UNC93A: variants seen among roughly 807,000 people sequenced by gnomAD.
UNC93A encodes unc-93 homolog A, also known as N-acetylglucosamine transporter UNC93A.
Under a neutral mutation model 47.5 loss-of-function variants are expected in UNC93A, and 43 were observed. The observed-to-expected ratio is 0.91, with a 90% CI of 0.71 to 1.17. The LOEUF is 1.17. Among genes scored for constraint, UNC93A ranks in the 50% most tolerant of loss-of-function variants. UNC93A has a pLI of 0.00. For synonymous variants in UNC93A, 280 were observed against 258.0 expected, an observed-to-expected ratio of 1.09 and a Z score of -0.82; for missense variants, 605 against 577.6, an observed-to-expected ratio of 1.05 and a Z score of -0.49.
At chr6:167,310,849 G>A (rs1778537362) in intron 7 of UNC93A, among the ~76,000 whole-genome samples, 1 of 152,174 alleles carries the variant, frequency 6.6e-6, no homozygotes, top group South Asian at 2.1e-4. Context: ...TCATTGCACT[G>A]CAGCCTGGGC....
chr6:167,280,496 C>T (rs1431207725), intron 1 of UNC93A, among the ~76,000 whole-genome samples: 1 of 152,160 alleles, frequency 6.6e-6, no homozygotes, highest in East Asian at 1.9e-4. Context: ...GCACATTCAC[C>T]CAGGCACTAG....
intron 7 of UNC93A, among the ~76,000 whole-genome samples, chr6:167,310,602 C>T (rs369228624): frequency 7.9e-4 from 119 of 150,466 alleles, no homozygotes; most frequent in Admixed American, 2.6e-3. Context: ...CCAAACTGGC[C>T]GGGTGCGGTG....
chr6:167,310,654 A>G (rs9347193), intron 7 of UNC93A, among the ~76,000 whole-genome samples: 92,170 of 152,074 alleles, frequency 0.61, 28,276 homozygotes, highest in East Asian at 0.79. Flanking sequence ...GATGAACCAG[A>G]CAGATCACTT....
chr6:167,314,769 C>T (rs916161579), intron 7 of UNC93A, among the ~76,000 whole-genome samples: 7 of 152,194 alleles, frequency 4.6e-5, no homozygotes, highest in Admixed American at 3.9e-4. Context: ...CTCCCTGCTT[C>T]CAGTCTTCCT....
chr6:167,307,735 A>T, intron 6 of UNC93A, 44 bp from the exon 7 acceptor site: 2 of 1,570,106 alleles, frequency 1.3e-6, no homozygotes, highest in Admixed American at 3.5e-5. Context: ...CCAGGCCATG[A>T]TGATGGCCCT....
In UNC93A at chr6:167,294,531, C is replaced by T. The variant is rs370938450; in HGVS notation, c.102C>T (p.Ser34=). 2.1e-5 allele frequency: 34 copies of T among 1,613,930 alleles called. 1 individual carries two copies. The highest frequency in any genetic ancestry group is 2.1e-4 in the South Asian group (19 of 91,090). The change falls in exon 2 of 8, where the codon AGC becomes AGT. Residue 34 remains serine (S), a synonymous_variant. Coordinates refer to ENST00000230256, the MANE Select transcript of UNC93A (RefSeq NM_018974.4). ...GLQSLQSSLY[S]EEGLGVTALS... is the part of the protein sequence containing the mutation. ...TGTTCCCACAGAGCAGCCTGTACAGCGAGGAGGGCCTGGGTGTCACAGCGC... is the reference window on the plus strand; with the variant it reads ...TGTTCCCACAGAGCAGCCTGTACAGTGAGGAGGGCCTGGGTGTCACAGCGC...
rs1777994130 is a variant in UNC93A at position 167,294,570 on chromosome 6, T to C, written c.141T>C (p.Tyr47=). 6.2e-7 allele frequency: 1 copy of C among 1,614,080 alleles called. No homozygotes were observed. Among genetic ancestry groups the C allele is most frequent in the Non-Finnish European group, 8.5e-7 (1 of 1,179,982 alleles). ...GLGVTALSTL[Y]GGMLLSSMFL... ...GTGTCACAGCGCTCAGCACCCTCTA[T>C]GGAGGCATGCTCCTGTCCTCCATGT... Residue 47 remains tyrosine (Y), a synonymous_variant, in exon 2 of 8, where the codon TAT becomes TAC. Transcript: ENST00000230256.
upstream of UNC93A, among the ~76,000 whole-genome samples, chr6:167,288,513 T>A (rs1783782810): frequency 6.6e-6 from 1 of 151,820 alleles, no homozygotes; most frequent in South Asian, 2.1e-4. Context: ...ATTTCCAAAG[T>A]GTGAAATTCC....
chr6:167,269,758 C>A (rs1783421337), upstream of UNC93A, among the ~76,000 whole-genome samples: 1 of 151,952 alleles, frequency 6.6e-6, no homozygotes, highest in Admixed American at 6.5e-5. Context: ...AGGCGCCCAC[C>A]ACCACGCCTG....
intron 1 of UNC93A, among the ~76,000 whole-genome samples, chr6:167,276,976 A>G (rs1783554530): frequency 6.6e-6 from 1 of 152,236 alleles, no homozygotes; most frequent in Admixed American, 6.5e-5. Context: ...TGCAGGCAGC[A>G]GGGAGCCACA....
At chr6:167,299,813 T>G in intron 4 of UNC93A, among the ~76,000 whole-genome samples, 1 of 151,958 alleles carries the variant, frequency 6.6e-6, no homozygotes. Context: ...GGGGGCAAGG[T>G]GGAGGGGCAG....
chr6:167,309,286 C>T (rs578146751), intron 7 of UNC93A, among the ~76,000 whole-genome samples: 2 of 152,284 alleles, frequency 1.3e-5, no homozygotes, highest in Non-Finnish European at 2.9e-5. Flanking sequence ...AGGAAGGTCA[C>T]TAGGAAGAGA....
chr6:167,305,190 G>A (rs748293134), intron 5 of UNC93A, among the ~76,000 whole-genome samples: 1 of 152,224 alleles, frequency 6.6e-6, no homozygotes, highest in Non-Finnish European at 1.5e-5. Flanking sequence ...AACCACAAAT[G>A]TCTCTCCAGG....
At chr6:167,298,242 A>C in intron 4 of UNC93A, 172 bp downstream of exon 4, 2 of 1,045,258 alleles carry the variant, frequency 1.9e-6, no homozygotes, top group Non-Finnish European at 1.3e-6. Flanking sequence ...TATGAATCAA[A>C]TGCAGTACAC....
In UNC93A at chr6:167,291,576, G is replaced by A. The variant is rs1783842336; in HGVS notation, c.87G>A (p.Gln29=). The A allele has an allele frequency of 6.2e-7, 1 of 1,609,920 alleles. No homozygotes were observed. Among genetic ancestry groups the A allele is most frequent in the South Asian group, 1.1e-5 (1 of 89,926 alleles). ...FTAYGGLQSL[Q]SSLYSEEGLG... ...CCTATGGAGGTCTGCAGAGCCTGCA[G>A]GTATGTGTGTCCGGTCATCAAATTA... is the stretch of plus-strand genomic sequence containing the variant. The change falls in exon 1 of 8, where the codon CAG becomes CAA. Residue 29 remains glutamine (Q), a splice_region_variant and synonymous_variant. Transcript: ENST00000230256.
At chr6:167,288,993 T>C (rs112653987), upstream of UNC93A, among the ~76,000 whole-genome samples, 778 of 147,630 alleles carry the variant, frequency 5.3e-3, no homozygotes, top group East Asian at 0.022. Flanking sequence ...GCCCAGATGT[T>C]AATTTTAAGG....
chr6:167,287,288 A>G (rs1393793483), upstream of UNC93A, among the ~76,000 whole-genome samples: 2 of 152,212 alleles, frequency 1.3e-5, no homozygotes, highest in Admixed American at 6.5e-5. Flanking sequence ...AGACCTGGTG[A>G]TGCTTGGGTC....
At chr6:167,297,487 C>G (rs1312492461) in intron 3 of UNC93A, among the ~76,000 whole-genome samples, 1 of 152,178 alleles carries the variant, frequency 6.6e-6, no homozygotes, top group Non-Finnish European at 1.5e-5. Context: ...GATCACAGAA[C>G]TAACGTTAGT....
At chr6:167,282,023 A>G (rs1309229633) in intron 1 of UNC93A, among the ~76,000 whole-genome samples, 1 of 152,230 alleles carries the variant, frequency 6.6e-6, no homozygotes, top group Non-Finnish European at 1.5e-5. Flanking sequence ...ATGGAAATAC[A>G]TGTGTGTTGT....
Sources: gnomAD v4.1 joint callset for allele counts (sites outside exome capture counted in the v4.1 genomes callset) on GRCh38, gnomAD v4.1.1 for gene constraint, MANE v1.5 for transcripts, NCBI Gene and HGNC (gene_info 2026-07-23, HGNC 2026-07-21) for gene names.